The following RNMT variants were observed in gnomAD, a reference collection of about 807,000 sequenced individuals.
RNMT encodes mRNA cap guanine-N(7) methyltransferase.
In RNMT, 27 loss-of-function variants were observed where a neutral mutation model predicts 56.0. That is an observed-to-expected ratio of 0.48 (90% CI 0.36 to 0.67). RNMT has a LOEUF of 0.67. Among genes scored for constraint, RNMT ranks in the 30% least tolerant of loss-of-function variants. The pLI, the probability that RNMT is intolerant of heterozygous loss-of-function variation, is 0.00. For synonymous variants in RNMT, 184 were observed against 176.2 expected (o/e 1.04, Z -0.35); for missense variants, 519 against 552.1 (o/e 0.94, Z 0.60).
rs2149112347 is a variant in RNMT at position 13,762,235 on chromosome 18, G to A, written c.*2256G>A. The A allele has an allele frequency of 7.1e-7, 1 of 1,403,714 alleles. No homozygotes were observed. Among genetic ancestry groups the A allele is most frequent in the Non-Finnish European group, 9.5e-7 (1 of 1,054,254 alleles). 87.0% of individuals were successfully genotyped at this position (1,403,714 alleles called of 1,614,324 possible). A position where few individuals can be genotyped will look rare whatever the true frequency, so the allele number is the denominator to read the frequency against. On this transcript the variant is annotated 3_prime_UTR_variant, in exon 12 of 12. Coordinates refer to ENST00000383314, the MANE Select transcript of RNMT (RefSeq NM_003799.3). ...AACTGGGGATTGCGATGATTGATCT[G>A]GGAACATGGCTGGATTGTGATTTAA...
At chr18:13,752,200 G>C (rs979217495) in intron 9 of RNMT, 126 bp from the exon 10 acceptor site, 3 of 620,438 alleles carry the variant, frequency 4.8e-6, no homozygotes, top group Non-Finnish European at 8.5e-6. Context: ...AGTATGTATA[G>C]TTTGTATTCC....
intron 3 of RNMT, among the ~76,000 whole-genome samples, chr18:13,732,750 T>TG (rs1681064352): frequency 1.6e-5 from 1 of 63,432 alleles, no homozygotes; most frequent in South Asian, 6.3e-4. Context: ...CCCTTTTTTT[T>TG]TTTTTTTTTT....
In RNMT at chr18:13,762,101, G is replaced by C. The variant is rs1294449927; in HGVS notation, c.*2122G>C. ...CACCGTCGGGCCAGGAAGAGCACCT[G>C]TTGCTGCAAGCTCAGTGAAGTGGGG... On this transcript the variant is annotated 3_prime_UTR_variant, in exon 12 of 12. Coordinates refer to ENST00000383314, the MANE Select transcript of RNMT (RefSeq NM_003799.3). 6.5e-7 allele frequency: 1 copy of C among 1,536,064 alleles called. No individual in the cohort carries two copies. The highest frequency in any genetic ancestry group is 8.7e-7 in the Non-Finnish European group (1 of 1,146,866).
Position 13,761,769 on chromosome 18 carries a change from T to A in RNMT, c.*1790T>A. 8.2e-7 allele frequency: 1 copy of A among 1,216,066 alleles called. No individual in the cohort carries two copies. Among genetic ancestry groups the A allele is most frequent in the Non-Finnish European group, 1.0e-6 (1 of 970,420 alleles). 75.3% of individuals were successfully genotyped at this position (1,216,066 alleles called of 1,614,324 possible). A position where few individuals can be genotyped will look rare whatever the true frequency, so the allele number is the denominator to read the frequency against. The stretch of plus-strand genomic sequence containing the variant: ...TTACTGGAGCCACACCTGCAGGCGC[T>A]GTGTTCAGGCACCACCTTCCTCCTT... On this transcript the variant is annotated 3_prime_UTR_variant, in exon 12 of 12. Transcript: ENST00000383314.
chr18:13,737,202 T>A, intron 5 of RNMT, 67 bp downstream of exon 5: 2 of 1,403,334 alleles, frequency 1.4e-6, no homozygotes, highest in African/African-American at 2.9e-5. Flanking sequence ...AGAAGGATTG[T>A]CTCAAATTGC....
In RNMT at chr18:13,740,248, G is replaced by A. The variant is rs751084319; in HGVS notation, c.761G>A (p.Ser254Asn). ...CGTCGTGATAGTGAATATATTTTCA[G>A]TGCAGAATTTATAACTGCTGACAGC... ...KNRRDSEYIFSAEFITADSSK... is the reference protein window; with the variant it reads ...KNRRDSEYIFNAEFITADSSK... The change falls in exon 6 of 12, where the codon AGT becomes AAT. Residue 254 changes from serine to asparagine, a missense_variant. Physicochemically the swap from Ser to Asn is conservative, Grantham distance 46 (BLOSUM62 1). Transcript: ENST00000383314. 2.2e-5 allele frequency: 35 copies of A among 1,603,436 alleles called. No individual in the cohort carries two copies. Among genetic ancestry groups the A allele is most frequent in the Non-Finnish European group, 3.0e-5 (35 of 1,170,490 alleles).
At chr18:13,742,361 C>A in intron 7 of RNMT, 127 bp from the exon 8 acceptor site, 2 of 776,988 alleles carry the variant, frequency 2.6e-6, no homozygotes, top group South Asian at 1.7e-5. Context: ...AAAGGTAGCC[C>A]AGATATAATT....
At chr18:13,753,353 T>C (rs565124592) in intron 10 of RNMT, among the ~76,000 whole-genome samples, 39 of 152,224 alleles carry the variant, frequency 2.6e-4, no homozygotes, top group African/African-American at 8.9e-4. Flanking sequence ...TAGTCCCAGC[T>C]ACTTGTGAGG....
rs751712098 is a variant in RNMT at position 13,737,104 on chromosome 18, A to G, written c.648A>G (p.Lys216=). The change falls in exon 5 of 12, where the codon AAA becomes AAG. Residue 216 remains lysine (K), a synonymous_variant. Transcript: ENST00000383314. ...CGKGGDLLKW[K]KGRINKLVCT... Reference sequence around the variant, plus strand: ...AAGGTGGAGATTTGCTGAAATGGAAAAAAGGAAGAATTAACAAGCTAGTTT... The same window carrying G: ...AAGGTGGAGATTTGCTGAAATGGAAGAAAGGAAGAATTAACAAGCTAGTTT... 3.1e-6 allele frequency: 5 copies of G among 1,611,920 alleles called. No individual in the cohort carries two copies. In the South Asian group the frequency reaches 5.5e-5, roughly 18 times the overall value.
chr18:13,756,395 G>T (rs1369254757), intron 11 of RNMT, among the ~76,000 whole-genome samples: 1 of 152,152 alleles, frequency 6.6e-6, no homozygotes, highest in Non-Finnish European at 1.5e-5. Flanking sequence ...ACAGGACTGA[G>T]GGGTTGTTTG....
chr18:13,747,672 A>G (rs1344757069), intron 9 of RNMT, among the ~76,000 whole-genome samples: 3 of 152,190 alleles, frequency 2.0e-5, no homozygotes, highest in Non-Finnish European at 4.4e-5. Context: ...CACTCCCACA[A>G]TGTTGAGTGG....
At chr18:13,753,574 A>G (rs777257579) in intron 10 of RNMT, among the ~76,000 whole-genome samples, 9 of 152,050 alleles carry the variant, frequency 5.9e-5, no homozygotes, top group Non-Finnish European at 8.8e-5. Context: ...GATTGAGACC[A>G]TCCTGGCTGA....
At chr18:13,750,142 C>G (rs1026721507) in intron 9 of RNMT, among the ~76,000 whole-genome samples, 2 of 152,130 alleles carry the variant, frequency 1.3e-5, no homozygotes, top group African/African-American at 4.8e-5. Flanking sequence ...CTTGAAGTAA[C>G]TTGGATAAAC....
chr18:13,757,162 C>G (rs921149625), intron 11 of RNMT, among the ~76,000 whole-genome samples: 21 of 152,188 alleles, frequency 1.4e-4, no homozygotes, highest in African/African-American at 4.3e-4. Flanking sequence ...TAAAAAAATG[C>G]TGATGATCAT....
intron 9 of RNMT, 79 bp downstream of exon 9, chr18:13,746,416 C>G: frequency 1.2e-6 from 1 of 815,308 alleles, no homozygotes; most frequent in Non-Finnish European, 2.1e-6. Flanking sequence ...GCAAGGCCAT[C>G]TGAACATGAA....
intron 1 of RNMT, among the ~76,000 whole-genome samples, chr18:13,727,799 C>T (rs2043987722): frequency 6.6e-6 from 1 of 152,182 alleles, no homozygotes; most frequent in Non-Finnish European, 1.5e-5. Context: ...CACTCTTTAC[C>T]TCCATCAGGT....
rs1157586926 is a variant in RNMT at position 13,730,393 on chromosome 18, G to A, written c.-171-234G>A. 4 of 152,156 alleles carry A rather than the reference G, an allele frequency of 2.6e-5. No homozygotes were observed. The South Asian group carries it at 6.2e-4, about 24-fold the overall frequency. 9.4% of individuals were successfully genotyped at this position (152,156 alleles called of 1,614,324 possible). A position where few individuals can be genotyped will look rare whatever the true frequency, so the allele number is the denominator to read the frequency against. On this transcript the variant is annotated intron_variant, in intron 1 of 11. Coordinates refer to ENST00000383314, the MANE Select transcript of RNMT (RefSeq NM_003799.3). ...AATTGGAACACCCATTATGAAATAC[G>A]ATTTCAGAATTCTTGCTGTAGAATC...
intron 9 of RNMT, among the ~76,000 whole-genome samples, chr18:13,749,405 A>C (rs1454864716): frequency 6.6e-6 from 1 of 152,254 alleles, no homozygotes; most frequent in Non-Finnish European, 1.5e-5. Flanking sequence ...ATGATACAGC[A>C]GTCTCAAATA....
intron 8 of RNMT, among the ~76,000 whole-genome samples, chr18:13,743,353 TAAA>T (rs2044290516): frequency 6.8e-6 from 1 of 147,724 alleles, no homozygotes; most frequent in African/African-American, 2.5e-5. Context: ...AATAAATAAA[TAAA>T]TAAATAAATA....
Sources: gnomAD v4.1 joint callset for allele counts (sites outside exome capture counted in the v4.1 genomes callset) on GRCh38, gnomAD v4.1.1 for gene constraint, MANE v1.5 for transcripts, NCBI Gene and HGNC (gene_info 2026-07-23, HGNC 2026-07-21) for gene names.